The following SLIT3 variants were observed in gnomAD, a reference collection of about 807,000 sequenced individuals.
SLIT3 encodes the protein slit homolog 3 protein.
In SLIT3, 68 loss-of-function variants were observed where a neutral mutation model predicts 184.0. That is an observed-to-expected ratio of 0.37 (90% CI 0.30 to 0.45). SLIT3 has a LOEUF of 0.45. SLIT3 is among the 20% of genes least tolerant of loss of function. SLIT3 has a pLI of 1.00. For missense variants in SLIT3, 1,707 were observed against 2,026.0 expected (o/e 0.84, Z 3.02); for synonymous variants, 831 against 828.6 (o/e 1.00, Z -0.05).
intron 5 of SLIT3, among the ~76,000 whole-genome samples, chr5:168,881,571 G>A (rs976656711): frequency 6.6e-6 from 1 of 152,158 alleles, no homozygotes; most frequent in African/African-American, 2.4e-5. Flanking sequence ...CCCTGAGTTA[G>A]TCACTGCCCC....
chr5:168,883,595 C>G (rs184196552), intron 4 of SLIT3, among the ~76,000 whole-genome samples: 1 of 152,214 alleles, frequency 6.6e-6, no homozygotes, highest in Admixed American at 6.5e-5. Context: ...CTCCAGGCCA[C>G]GAGCCAAGAG....
rs1760993976 is a variant in SLIT3, at chr5:168,665,132, G to T, written c.*1322C>A. 1 of 152,208 alleles carries T rather than the reference G, an allele frequency of 6.6e-6. No homozygotes were observed. Among genetic ancestry groups the T allele is most frequent in the Non-Finnish European group, 1.5e-5 (1 of 68,076 alleles). 9.4% of individuals were successfully genotyped at this position (152,208 alleles called of 1,614,324 possible). A position where few individuals can be genotyped will look rare whatever the true frequency, so the allele number is the denominator to read the frequency against. On this transcript the variant is annotated 3_prime_UTR_variant, in exon 36 of 36. Transcript: ENST00000519560. ...GGTCTGGCTCCTCCACTTATCTGGTGTGTGGCTTAAGGCAAGTTCCAGAGC... is the reference window on the plus strand; with the variant it reads ...GGTCTGGCTCCTCCACTTATCTGGTTTGTGGCTTAAGGCAAGTTCCAGAGC...
intron 5 of SLIT3, among the ~76,000 whole-genome samples, chr5:168,865,038 G>C (rs1759247755): frequency 6.6e-6 from 1 of 151,946 alleles, no homozygotes; most frequent in South Asian, 2.1e-4. Context: ...CGTGGTGGTG[G>C]ACACCTGTAA....
At chr5:168,976,534 CT>C (rs1273179121) in intron 4 of SLIT3, among the ~76,000 whole-genome samples, 7 of 152,270 alleles carry the variant, frequency 4.6e-5, no homozygotes, top group African/African-American at 9.6e-5. Flanking sequence ...TTCAACTAGC[CT>C]CGCTCCCAAA....
At chr5:168,922,896 C>G (rs1761688974) in intron 4 of SLIT3, among the ~76,000 whole-genome samples, 1 of 152,300 alleles carries the variant, frequency 6.6e-6, no homozygotes, top group Non-Finnish European at 1.5e-5. Context: ...AATGCAGGAA[C>G]TGAAGTGATT....
chr5:169,115,497 A>G (rs1395390300), intron 4 of SLIT3, among the ~76,000 whole-genome samples: 1 of 152,118 alleles, frequency 6.6e-6, no homozygotes, highest in Admixed American at 6.6e-5. Context: ...TGTTGTCCCA[A>G]TATGCACACG....
intron 3 of SLIT3, among the ~76,000 whole-genome samples, chr5:169,209,199 A>G (rs890361098): frequency 6.6e-6 from 1 of 152,228 alleles, no homozygotes; most frequent in African/African-American, 2.4e-5. Context: ...ACATATGAAA[A>G]AAAGCTCATC....
intron 4 of SLIT3, among the ~76,000 whole-genome samples, chr5:168,947,115 A>C (rs943891911): frequency 2.0e-5 from 3 of 152,038 alleles, no homozygotes; most frequent in African/African-American, 7.3e-5. Flanking sequence ...AGAAACATAC[A>C]CTGCACAAAA....
chr5:168,795,728 C>T (rs1223948296), intron 9 of SLIT3, 150 bp from the exon 10 acceptor site: 9 of 664,522 alleles, frequency 1.4e-5, no homozygotes. Context: ...CAAAACACTG[C>T]AGCAGTCAGA....
At chr5:168,818,586 AT>A (rs534551250) in intron 7 of SLIT3, among the ~76,000 whole-genome samples, 168 of 152,342 alleles carry the variant, frequency 1.1e-3, no homozygotes, top group Non-Finnish European at 2.2e-3. Flanking sequence ...CACATTTTAA[AT>A]GCCTAAATCC....
At chr5:168,676,996 G>A (rs13182812) in intron 32 of SLIT3, among the ~76,000 whole-genome samples, 24,248 of 152,208 alleles carry the variant, frequency 0.16, 2,449 homozygotes, top group East Asian at 0.41. Context: ...CCACAGATCA[G>A]AGAGGGCTGT....
intron 4 of SLIT3, among the ~76,000 whole-genome samples, chr5:169,082,200 C>T (rs370950214): frequency 1.1e-4 from 16 of 152,290 alleles, no homozygotes; most frequent in East Asian, 1.9e-4. Context: ...GTGGAAGCCA[C>T]GCCAAACAAA....
intron 3 of SLIT3, among the ~76,000 whole-genome samples, chr5:169,232,755 T>C (rs1765051103): frequency 6.6e-6 from 1 of 152,226 alleles, no homozygotes; most frequent in African/African-American, 2.4e-5. Context: ...TCTTTGCTTT[T>C]CTTGGTCATT....
At chr5:169,067,278 C>G (rs1581370769) in intron 4 of SLIT3, among the ~76,000 whole-genome samples, 2 of 152,036 alleles carry the variant, frequency 1.3e-5, no homozygotes. Context: ...TGGTGGCACA[C>G]AACTGTAGTC....
At chr5:169,263,900 A>G (rs1460086317) in intron 1 of SLIT3, among the ~76,000 whole-genome samples, 1 of 148,768 alleles carries the variant, frequency 6.7e-6, no homozygotes, top group African/African-American at 2.5e-5. Context: ...TCCTCCAGAC[A>G]CCTTGGATGA....
chr5:168,846,356 G>A (rs144555641), intron 5 of SLIT3, among the ~76,000 whole-genome samples: 193 of 152,076 alleles, frequency 1.3e-3, no homozygotes, highest in African/African-American at 4.3e-3. Flanking sequence ...ACATCTTCTC[G>A]ACCCCTAATT....
At chr5:168,828,660 A>AAAAAAAAG (rs1757779247) in intron 6 of SLIT3, among the ~76,000 whole-genome samples, 1 of 108,038 alleles carries the variant, frequency 9.3e-6, no homozygotes, top group African/African-American at 4.6e-5. Context: ...TCCTGACTCA[A>AAAAAAAAG]AAAAAAAAAA....
chr5:168,848,709 A>C (rs914887272), intron 5 of SLIT3, among the ~76,000 whole-genome samples: 3 of 152,172 alleles, frequency 2.0e-5, no homozygotes, highest in African/African-American at 7.2e-5. Context: ...CAGCTTTCTG[A>C]CTACTGTATT....
chr5:169,090,856 C>G (rs940702740), intron 4 of SLIT3, among the ~76,000 whole-genome samples: 3 of 152,236 alleles, frequency 2.0e-5, no homozygotes, highest in African/African-American at 7.2e-5. Flanking sequence ...CTGTTCACAT[C>G]TTGATTTCAG....
Sources: allele counts gnomAD v4.1 joint callset (sites outside exome capture counted in the v4.1 genomes callset), GRCh38; gene constraint gnomAD v4.1.1; transcripts MANE v1.5; gene names NCBI Gene and HGNC (gene_info 2026-07-23, HGNC 2026-07-21).